Variants in KANK4 observed in about 807,000 individuals in gnomAD.
KANK4 encodes KN motif and ankyrin repeat domain-containing protein 4.
A neutral mutation model predicts 80.8 loss-of-function variants in KANK4; 50 were observed. That is an observed-to-expected ratio of 0.62 (90% confidence interval 0.49 to 0.78). The LOEUF (loss-of-function observed/expected upper bound fraction) is 0.78, where lower values mean the gene tolerates loss of function less well. Ranked by LOEUF, KANK4 falls within the 30% of genes least tolerant of loss-of-function variation. The probability of loss-of-function intolerance (pLI) is 0.00; values close to 1 mark genes in which losing one functional copy is unlikely to be tolerated. For synonymous variants in KANK4, 465 were observed against 506.9 expected (o/e 0.92, Z 1.11); for missense variants, 1,196 against 1,240.1 (o/e 0.96, Z 0.53).
intron 1 of KANK4, among the ~76,000 whole-genome samples, chr1:62,287,040 C>T (rs1439401095): frequency 6.6e-6 from 1 of 152,150 alleles, no homozygotes; most frequent in Non-Finnish European, 1.5e-5. Context: ...CCAGAGACTC[C>T]GAGAGGCGGG....
At chr1:62,293,471 A>G (rs1179360465) in intron 1 of KANK4, among the ~76,000 whole-genome samples, 1 of 152,190 alleles carries the variant, frequency 6.6e-6, no homozygotes, top group Non-Finnish European at 1.5e-5. Flanking sequence ...TAAAAGAATA[A>G]AAAATGCATC....
At chr1:62,281,226 TAA>T (rs1365287386) in intron 2 of KANK4, among the ~76,000 whole-genome samples, 2 of 152,332 alleles carry the variant, frequency 1.3e-5, no homozygotes, top group East Asian at 3.9e-4. Flanking sequence ...GAGAAATAAT[TAA>T]CATCTTTAAG....
At chr1:62,286,524 C>T (rs1451226100) in intron 1 of KANK4, among the ~76,000 whole-genome samples, 1 of 152,236 alleles carries the variant, frequency 6.6e-6, no homozygotes, top group Non-Finnish European at 1.5e-5. Flanking sequence ...GCCATCGCTT[C>T]CGAGGAACAC....
intron 1 of KANK4, among the ~76,000 whole-genome samples, chr1:62,289,479 G>A (rs541867150): frequency 1.5e-4 from 23 of 152,198 alleles, no homozygotes; most frequent in Non-Finnish European, 2.8e-4. Context: ...GGGCAGCTGC[G>A]GCCAAGAGAG....
At chr1:62,240,530 G>A (rs1245022385) in intron 9 of KANK4, among the ~76,000 whole-genome samples, 4 of 152,134 alleles carry the variant, frequency 2.6e-5, no homozygotes, top group Non-Finnish European at 5.9e-5. Context: ...TTAGCCTGGC[G>A]TGGTGGCACA....
chr1:62,268,596 C>T (rs1672086323), intron 4 of KANK4, 91 bp from the exon 5 acceptor site: 2 of 979,138 alleles, frequency 2.0e-6, no homozygotes, highest in Non-Finnish European at 3.2e-6. Context: ...TCGGGTAACA[C>T]TCCGCAGCTT....
intron 7 of KANK4, among the ~76,000 whole-genome samples, chr1:62,261,189 C>T: frequency 7.8e-6 from 1 of 128,466 alleles, no homozygotes. Flanking sequence ...CAGGGTCTCT[C>T]TCTGTTGCCC....
Position 62,247,738 on chromosome 1 carries a change from T to G in KANK4, c.2683-66A>C, listed in dbSNP as rs913597000. The G allele has an allele frequency of 1.4e-5, 19 of 1,382,594 alleles. No individual in the cohort carries two copies. In the African/African-American group the frequency reaches 2.7e-4, roughly 20 times the overall value. The allele number at this position is 1,382,594 out of a possible 1,614,324, so 85.6% of individuals were successfully genotyped here. ...GTGGGGAAGGACCCCCTCTCCAGCCTGGGTGTGCTCATCAGAGACTTCTCA... is the reference window on the plus strand; with the variant it reads ...GTGGGGAAGGACCCCCTCTCCAGCCGGGGTGTGCTCATCAGAGACTTCTCA... On this transcript the variant is annotated intron_variant, in intron 8 of 9. Coordinates refer to ENST00000371153, the MANE Select transcript of KANK4 (RefSeq NM_181712.5).
chr1:62,286,183 G>A (rs1439355173), intron 1 of KANK4, among the ~76,000 whole-genome samples: 3 of 152,232 alleles, frequency 2.0e-5, no homozygotes, highest in Non-Finnish European at 4.4e-5. Context: ...CGGGAGGAAC[G>A]CTGTGCCCAC....
rs1055162759 is a variant in KANK4, at chr1:62,285,025, C to A, written c.-70-3391G>T. On this transcript the variant is annotated intron_variant, in intron 1 of 9. Transcript: ENST00000371153. Reference sequence around the variant, plus strand: ...AGAGCTAAGCACTTACACTGGGAATCAGCTACTGGGTATACTTTCTCATTT... The same window carrying A: ...AGAGCTAAGCACTTACACTGGGAATAAGCTACTGGGTATACTTTCTCATTT... Among the ~76,000 whole-genome samples the A allele has an allele frequency of 7.2e-5, 11 of 152,250 alleles. 1 individual carries two copies. Among genetic ancestry groups the A allele is most frequent in the Non-Finnish European group, 4.4e-5 (3 of 68,048 alleles).
At chr1:62,313,072 G>A (rs562626707) in intron 1 of KANK4, among the ~76,000 whole-genome samples, 1 of 152,206 alleles carries the variant, frequency 6.6e-6, no homozygotes, top group Admixed American at 6.5e-5. Context: ...TTGAGGGAGA[G>A]AGAGAAAGAC....
At chr1:62,244,265 G>A (rs368065978) in intron 9 of KANK4, among the ~76,000 whole-genome samples, 10 of 151,236 alleles carry the variant, frequency 6.6e-5, no homozygotes, top group South Asian at 2.1e-4. Flanking sequence ...GTATGATCAC[G>A]GCTCACTGTA....
At chr1:62,267,293 T>C (rs1672045154) in intron 5 of KANK4, among the ~76,000 whole-genome samples, 1 of 123,048 alleles carries the variant, frequency 8.1e-6, no homozygotes, top group Non-Finnish European at 1.7e-5. Context: ...ACAGAGTCAG[T>C]AATATGAGAC....
intron 1 of KANK4, among the ~76,000 whole-genome samples, chr1:62,313,798 A>G (rs2149175057): frequency 6.6e-6 from 1 of 152,288 alleles, no homozygotes; most frequent in African/African-American, 2.4e-5. Flanking sequence ...GCAAACCACC[A>G]TGGCACATGT....
At chr1:62,267,092 G>A (rs181080214) in intron 5 of KANK4, among the ~76,000 whole-genome samples, 3 of 152,126 alleles carry the variant, frequency 2.0e-5, no homozygotes, top group South Asian at 4.1e-4. Context: ...GCATTTAGGT[G>A]GGGGGTCGTG....
rs769417495 is a variant in KANK4 at position 62,247,772 on chromosome 1, A to G, written c.2683-100T>C. 6.7e-4 allele frequency: 629 copies of G among 937,148 alleles called. 1 individual carries two copies. The highest frequency in any genetic ancestry group is 9.2e-4 in the Non-Finnish European group (552 of 600,180). 58.1% of individuals were successfully genotyped at this position (937,148 alleles called of 1,614,324 possible). On this transcript the variant is annotated intron_variant, in intron 8 of 9. Transcript: ENST00000371153. ...TCATCAGAGACTTCTCAATACCACA[A>G]CCACTGATTTGAATCTCCTGCCCTT...
chr1:62,268,388 G>C lies in KANK4; in HGVS notation c.2130C>G (p.Ala710=), dbSNP rs767032002. 6.2e-7 allele frequency: 1 copy of C among 1,614,024 alleles called. No homozygotes were observed. The highest frequency in any genetic ancestry group is 1.1e-5 in the South Asian group (1 of 91,050). ...CCTGCCCAGCCTCGCAGGTGAGATGGGCATCTTTGACATGCTTGTGATCTG... is the reference window on the plus strand; with the variant it reads ...CCTGCCCAGCCTCGCAGGTGAGATGCGCATCTTTGACATGCTTGTGATCTG... ...DGPDHKHVKD[A]HLTCEAGQGI... The change falls in exon 5 of 10, where the codon GCC becomes GCG. Residue 710 remains alanine (A), a synonymous_variant. Transcript: ENST00000371153.
intron 2 of KANK4, among the ~76,000 whole-genome samples, chr1:62,277,038 C>A (rs1241590629): frequency 2.0e-5 from 3 of 152,100 alleles, no homozygotes; most frequent in Non-Finnish European, 4.4e-5. Flanking sequence ...CCTCAACCAC[C>A]CATTTATTGA....
At chr1:62,267,952 A>T (rs1333005992) in intron 5 of KANK4, among the ~76,000 whole-genome samples, 1 of 152,160 alleles carries the variant, frequency 6.6e-6, no homozygotes, top group Non-Finnish European at 1.5e-5. Flanking sequence ...TGTTTCCACA[A>T]CTGTAGAGTG....
Sources: allele counts gnomAD v4.1 joint callset (sites outside exome capture counted in the v4.1 genomes callset), GRCh38; gene constraint gnomAD v4.1.1; transcripts MANE v1.5; gene names NCBI Gene and HGNC (gene_info 2026-07-23, HGNC 2026-07-21).